Variants in HTR1F observed in about 807,000 individuals in gnomAD.
HTR1F encodes 5-hydroxytryptamine receptor 1F.
In HTR1F, 17 loss-of-function variants were observed where a neutral mutation model predicts 24.0. The observed-to-expected ratio is 0.71, with a 90% CI of 0.48 to 1.06. The LOEUF is 1.06. Among genes scored for constraint, HTR1F ranks in the 50% least tolerant of loss-of-function variants. HTR1F has a pLI of 0.00. For missense variants in HTR1F, 391 were observed against 427.8 expected, an observed-to-expected ratio of 0.91 and a Z score of 0.76; for synonymous variants, 186 against 156.8, an observed-to-expected ratio of 1.19 and a Z score of -1.39.
At chr3:87,861,624 T>A (rs1705320267) in intron 2 of HTR1F, among the ~76,000 whole-genome samples, 1 of 152,134 alleles carries the variant, frequency 6.6e-6, no homozygotes, top group African/African-American at 2.4e-5. Flanking sequence ...ATACATGACT[T>A]AAATTTCTCT....
At chr3:87,960,089 T>C (rs529737813) in intron 2 of HTR1F, among the ~76,000 whole-genome samples, 1 of 151,710 alleles carries the variant, frequency 6.6e-6, no homozygotes, top group South Asian at 2.1e-4. Flanking sequence ...ATCACCTAGG[T>C]AGTGTTTTAA....
chr3:87,868,661 C>A (rs1315805805), intron 2 of HTR1F, among the ~76,000 whole-genome samples: 2 of 151,670 alleles, frequency 1.3e-5, no homozygotes, highest in African/African-American at 4.8e-5. Context: ...AAACAGATAG[C>A]CTTACCAGAG....
At chr3:87,872,329 A>T (rs540567591) in intron 2 of HTR1F, among the ~76,000 whole-genome samples, 2 of 152,212 alleles carry the variant, frequency 1.3e-5, no homozygotes, top group South Asian at 2.1e-4. Flanking sequence ...CAACAACCTG[A>T]CTTATTTTCT....
At chr3:87,856,166 T>A (rs1575951559) in intron 2 of HTR1F, among the ~76,000 whole-genome samples, 3 of 152,040 alleles carry the variant, frequency 2.0e-5, no homozygotes, top group Admixed American at 2.0e-4. Context: ...TTACTATTAA[T>A]CTCTTACTGG....
chr3:87,916,288 A>C (rs1401355131), intron 2 of HTR1F, among the ~76,000 whole-genome samples: 2 of 98,190 alleles, frequency 2.0e-5, no homozygotes, highest in Admixed American at 1.1e-4. Context: ...TAAAACAAAA[A>C]TACAGTTAAA....
At chr3:87,814,608 C>A (rs1489778) in intron 1 of HTR1F, among the ~76,000 whole-genome samples, 40,720 of 152,004 alleles carry the variant, frequency 0.27, 5,784 homozygotes, top group East Asian at 0.45. Context: ...ATTAAGACTT[C>A]TATTATCCAT....
rs79431401 is a variant in HTR1F at position 87,924,145 on chromosome 3, C to A, written c.-42-66563C>A. 2.5e-4 allele frequency among the ~76,000 whole-genome samples: 38 copies of A among 152,034 alleles called. No individual in the cohort carries two copies. The East Asian group carries it at 6.8e-3, about 27-fold the overall frequency. On this transcript the variant is annotated intron_variant, in intron 2 of 2. Coordinates refer to ENST00000319595, the MANE Select transcript of HTR1F (RefSeq NM_001322209.2). ...TCCTGGGCTTTTCTTTTTTGGAAGA[C>A]TTTTTATTAATGATTCAATCTCATT... is the stretch of plus-strand genomic sequence containing the variant.
At chr3:87,958,657 C>G (rs1199448619) in intron 2 of HTR1F, among the ~76,000 whole-genome samples, 2 of 151,544 alleles carry the variant, frequency 1.3e-5, no homozygotes, top group African/African-American at 4.8e-5. Context: ...TATCCCTTTA[C>G]CCACACGTTA....
chr3:87,833,806 C>T (rs1199766747), intron 2 of HTR1F, among the ~76,000 whole-genome samples: 1 of 152,136 alleles, frequency 6.6e-6, no homozygotes, highest in Non-Finnish European at 1.5e-5. Flanking sequence ...CGTGCCCGGC[C>T]TATAAAGCCC....
At chr3:87,930,023 G>A (rs1576045588) in intron 2 of HTR1F, among the ~76,000 whole-genome samples, 1 of 152,176 alleles carries the variant, frequency 6.6e-6, no homozygotes, top group Admixed American at 6.5e-5. Context: ...CACCTCCCTG[G>A]TTAGCTGTAA....
rs532485261 is a variant in HTR1F at position 87,857,160 on chromosome 3, A to T, written c.-43+35036A>T. Among the ~76,000 whole-genome samples, 61 of 151,842 alleles carry T rather than the reference A, an allele frequency of 4.0e-4. No homozygotes were observed. The South Asian group carries it at 0.013, about 31-fold the overall frequency. On this transcript the variant is annotated intron_variant, in intron 2 of 2. Transcript: ENST00000319595. ...ACAATGAGTATCAGGTGGAATGGAG[A>T]CAAGCAGATAAAACTGTCTCAGGTT...
intron 2 of HTR1F, among the ~76,000 whole-genome samples, chr3:87,968,850 A>G (rs1413427494): frequency 6.6e-6 from 1 of 152,112 alleles, no homozygotes; most frequent in African/African-American, 2.4e-5. Flanking sequence ...GAAGGCAAAA[A>G]CGGTTTCCTG....
chr3:87,818,566 C>T (rs1704293157), intron 1 of HTR1F, among the ~76,000 whole-genome samples: 1 of 152,156 alleles, frequency 6.6e-6, no homozygotes, highest in South Asian at 2.1e-4. Context: ...GACCTGCAGT[C>T]CTGCCATGCC....
intron 2 of HTR1F, among the ~76,000 whole-genome samples, chr3:87,974,367 T>A (rs1444357207): frequency 6.6e-6 from 1 of 152,238 alleles, no homozygotes. Context: ...GAGAACAATT[T>A]TTCCATAGTT....
At chr3:87,896,307 G>T (rs1404281083) in intron 2 of HTR1F, among the ~76,000 whole-genome samples, 2 of 152,190 alleles carry the variant, frequency 1.3e-5, no homozygotes, top group Admixed American at 6.5e-5. Context: ...GCCTAACCAG[G>T]CTTCAGAAAA....
At chr3:87,830,890 C>T (rs1452122768) in intron 2 of HTR1F, among the ~76,000 whole-genome samples, 1 of 152,128 alleles carries the variant, frequency 6.6e-6, no homozygotes, top group Non-Finnish European at 1.5e-5. Context: ...TGAGTTCTTT[C>T]TCTAAGCAAT....
At chr3:87,813,353 T>C (rs1369638644) in intron 1 of HTR1F, among the ~76,000 whole-genome samples, 1 of 152,242 alleles carries the variant, frequency 6.6e-6, no homozygotes, top group Non-Finnish European at 1.5e-5. Context: ...GTAGGCCCTT[T>C]GTTTTGGCCA....
At chr3:87,859,756 TC>T (rs978240772) in intron 2 of HTR1F, among the ~76,000 whole-genome samples, 1 of 152,216 alleles carries the variant, frequency 6.6e-6, no homozygotes, top group African/African-American at 2.4e-5. Flanking sequence ...CTTAATTCAT[TC>T]AGCCTAGGCC....
At chr3:87,987,970 AAG>A (rs1185898745) in intron 2 of HTR1F, among the ~76,000 whole-genome samples, 1 of 151,600 alleles carries the variant, frequency 6.6e-6, no homozygotes, top group African/African-American at 2.4e-5. Context: ...GACAAAAGTC[AAG>A]AGAGAGAAAC....
Sources: allele counts gnomAD v4.1 joint callset (sites outside exome capture counted in the v4.1 genomes callset), GRCh38; gene constraint gnomAD v4.1.1; transcripts MANE v1.5; gene names NCBI Gene and HGNC (gene_info 2026-07-23, HGNC 2026-07-21).